RORA: variants seen among roughly 807,000 people sequenced by gnomAD.
RORA encodes nuclear receptor ROR-alpha.
RORA carries 7 observed loss-of-function variants against 69.5 expected under a neutral mutation model. That is an observed-to-expected ratio of 0.10 (90% CI 0.06 to 0.19). The LOEUF is 0.19. RORA is among the 10% of genes least tolerant of loss of function. RORA has a pLI of 1.00. For synonymous variants in RORA, 261 were observed against 240.8 expected (o/e 1.08, Z -0.78); for missense variants, 457 against 663.0 (o/e 0.69, Z 3.41).
intron 2 of RORA, among the ~76,000 whole-genome samples, chr15:60,621,905 G>C (rs1444925518): frequency 2.0e-5 from 3 of 151,994 alleles, no homozygotes; most frequent in Admixed American, 2.0e-4. Context: ...AAAATTAGCC[G>C]GGCGTGGTGG....
intron 1 of RORA, among the ~76,000 whole-genome samples, chr15:61,135,645 G>C (rs1320143943): frequency 6.7e-6 from 1 of 149,300 alleles, no homozygotes; most frequent in Non-Finnish European, 1.5e-5. Context: ...CAAGATTCCA[G>C]TACATCCTTA....
chr15:60,951,689 G>C (rs1382990614), intron 1 of RORA, among the ~76,000 whole-genome samples: 6 of 152,088 alleles, frequency 3.9e-5, no homozygotes, highest in Admixed American at 3.9e-4. Flanking sequence ...AGAAAATCTA[G>C]AAGAAATGGA....
chr15:60,761,221 G>C (rs946657358), intron 1 of RORA, among the ~76,000 whole-genome samples: 7 of 152,124 alleles, frequency 4.6e-5, no homozygotes, highest in African/African-American at 1.7e-4. Flanking sequence ...GTACACCAAA[G>C]ACACTTCCCA....
chr15:61,039,802 C>T (rs1054135698), intron 1 of RORA, among the ~76,000 whole-genome samples: 11 of 149,678 alleles, frequency 7.3e-5, no homozygotes, highest in African/African-American at 2.7e-4. Context: ...CTTCAATGTG[C>T]ATGGGAACTT....
Position 60,905,869 on chromosome 15 carries a change from C to T in RORA, c.167-227183G>A, listed in dbSNP as rs572400542. On this transcript the variant is annotated intron_variant, in intron 1 of 10. Transcript: ENST00000335670. The surrounding 1 kb of genome is among the most constrained non-coding windows in gnomAD (Gnocchi z 4.8). ...GTGCTGAATTCACCTTGTTCTTCCA[C>T]CCTCATCATCCTTTATTCTCCCCCT... Among the ~76,000 whole-genome samples the T allele has an allele frequency of 4.6e-5, 7 of 152,294 alleles. 1 individual carries two copies. Among genetic ancestry groups the T allele is most frequent in the Admixed American group, 4.6e-4 (7 of 15,302 alleles).
At chr15:60,713,308 C>T (rs1278806215) in intron 1 of RORA, among the ~76,000 whole-genome samples, 1 of 152,098 alleles carries the variant, frequency 6.6e-6, no homozygotes, top group East Asian at 1.9e-4. Context: ...GGAAATGGCT[C>T]CTCAGCTCCT....
intron 2 of RORA, among the ~76,000 whole-genome samples, chr15:60,555,643 T>C (rs1432747805): frequency 6.6e-6 from 1 of 152,058 alleles, no homozygotes; most frequent in Non-Finnish European, 1.5e-5. Flanking sequence ...GCAAGCAGAA[T>C]GGGGCCAATA....
intron 1 of RORA, among the ~76,000 whole-genome samples, chr15:60,720,432 A>G (rs767712564): frequency 6.6e-6 from 1 of 152,202 alleles, no homozygotes; most frequent in Non-Finnish European, 1.5e-5. Context: ...ACTGTCCAAT[A>G]AAAATACTGG....
intron 2 of RORA, among the ~76,000 whole-genome samples, chr15:60,564,046 T>C (rs2140431807): frequency 6.6e-6 from 1 of 152,310 alleles, no homozygotes; most frequent in African/African-American, 2.4e-5. Flanking sequence ...AGGATATGAA[T>C]TTTATATCCA....
rs564177810 is a variant in RORA, at chr15:60,664,370, T to A, written c.196+14287A>T. On this transcript the variant is annotated intron_variant, in intron 2 of 10. Transcript: ENST00000335670. ...GGACAGCTTCTACTTTGATTGCACT[T>A]GGCTGTGTGAAAGAGCAGCACAAAA... Among the ~76,000 whole-genome samples the A allele has an allele frequency of 3.3e-5, 5 of 152,286 alleles. No individual in the cohort carries two copies. In the South Asian group the frequency reaches 6.2e-4, roughly 19 times the overall value.
chr15:60,857,514 GC>G lies in RORA; in HGVS notation c.167-178829del, dbSNP rs141048286. Reference sequence around the variant, plus strand: ...ACACTCAGCCAAAGTGACTGATGTTGCTTTCCGGGTATTTGTAGCTGAAGGT... The same window carrying G: ...ACACTCAGCCAAAGTGACTGATGTTGTTTCCGGGTATTTGTAGCTGAAGGT... On this transcript the variant is annotated intron_variant, in intron 1 of 10. Coordinates refer to ENST00000335670, the MANE Select transcript of RORA (RefSeq NM_134261.3). Among the ~76,000 whole-genome samples the G allele has an allele frequency of 7.1e-3, 1,086 of 152,234 alleles. 11 individuals carry two copies. The highest frequency in any genetic ancestry group is 0.025 in the African/African-American group (1,039 of 41,524).
chr15:60,667,214 G>A (rs1461592124), intron 2 of RORA, among the ~76,000 whole-genome samples: 1 of 152,150 alleles, frequency 6.6e-6, no homozygotes, highest in Non-Finnish European at 1.5e-5. Context: ...TTGGTGTTCT[G>A]TTGTATTCAC....
At chr15:60,908,842 A>T (rs557018776) in intron 1 of RORA, among the ~76,000 whole-genome samples, 1 of 152,134 alleles carries the variant, frequency 6.6e-6, no homozygotes, top group East Asian at 1.9e-4. Flanking sequence ...TATACTGAAG[A>T]TGGGCGTTCT....
intron 1 of RORA, among the ~76,000 whole-genome samples, chr15:60,922,170 G>A (rs1892068436): frequency 6.6e-6 from 1 of 152,142 alleles, no homozygotes; most frequent in African/African-American, 2.4e-5. Flanking sequence ...TTGGGGCTTG[G>A]GGGAGGGAAG....
At chr15:60,781,292 T>C (rs1235287242) in intron 1 of RORA, among the ~76,000 whole-genome samples, 2 of 152,108 alleles carry the variant, frequency 1.3e-5, no homozygotes, top group Non-Finnish European at 2.9e-5. Context: ...GGAATCCCCT[T>C]CCCCTTGAAC....
intron 2 of RORA, among the ~76,000 whole-genome samples, chr15:60,570,134 G>C (rs985902682): frequency 2.6e-5 from 4 of 152,126 alleles, no homozygotes; most frequent in African/African-American, 9.7e-5. Context: ...GAAGATAGCC[G>C]ATCACGGGCC....
intron 2 of RORA, among the ~76,000 whole-genome samples, chr15:60,643,028 G>A (rs2069972234): frequency 6.6e-6 from 1 of 151,960 alleles, no homozygotes; most frequent in Non-Finnish European, 1.5e-5. Flanking sequence ...CTGGTGAAGT[G>A]CACCTGTAAT....
At chr15:60,661,243 C>T (rs8037841) in intron 2 of RORA, among the ~76,000 whole-genome samples, 1 of 151,970 alleles carries the variant, frequency 6.6e-6, no homozygotes, top group African/African-American at 2.4e-5. Flanking sequence ...TGCAGTTGCA[C>T]AAGGCATGCA....
chr15:60,683,641 T>TACACACACACACACACAC (rs1212373710), intron 1 of RORA, among the ~76,000 whole-genome samples: 2 of 47,858 alleles, frequency 4.2e-5, no homozygotes, highest in East Asian at 6.5e-4. Flanking sequence ...TTTACCCAGA[T>TACACACACACACACACAC]ACACATACAC....
Sources: allele counts gnomAD v4.1 joint callset (sites outside exome capture counted in the v4.1 genomes callset), GRCh38; gene constraint gnomAD v4.1.1; non-coding constraint Gnocchi (gnomAD v3.1); transcripts MANE v1.5; gene names NCBI Gene and HGNC (gene_info 2026-07-23, HGNC 2026-07-21).